Variants in TTF2 observed in about 807,000 individuals in gnomAD.
TTF2 encodes transcription termination factor 2.
TTF2 carries 108 observed loss-of-function variants against 142.4 expected under a neutral mutation model. The ratio of observed to expected loss-of-function variants is 0.76; its 90% confidence interval spans 0.65 to 0.89. TTF2 has a LOEUF of 0.89. Among genes scored for constraint, TTF2 ranks in the 40% least tolerant of loss-of-function variants. The pLI is 0.00. For missense variants in TTF2, 1,327 were observed against 1,379.8 expected (o/e 0.96, Z 0.61); for synonymous variants, 483 against 506.2 (o/e 0.95, Z 0.61).
chr1:117,073,106 G>A lies in TTF2; in HGVS notation c.219-555G>A, dbSNP rs1157260391. ...TTTTCTCCCTCGTAACTTATTTGTG[G>A]AAGGGATCAGGTTGTTTGTCCTATA... is the stretch of plus-strand genomic sequence containing the variant. On this transcript the variant is annotated intron_variant, in intron 3 of 22. Coordinates refer to ENST00000369466, the MANE Select transcript of TTF2 (RefSeq NM_003594.4). The surrounding 1 kb of genome is among the most constrained non-coding windows in gnomAD (Gnocchi z 4.4). Among the ~76,000 whole-genome samples, 1 of 152,158 alleles carries A rather than the reference G, an allele frequency of 6.6e-6. No individual in the cohort carries two copies. Among genetic ancestry groups the A allele is most frequent in the Non-Finnish European group, 1.5e-5 (1 of 68,028 alleles).
Position 117,073,525 on chromosome 1 carries a change from A to G in TTF2, c.219-136A>G. 1 of 662,482 alleles carries G rather than the reference A, an allele frequency of 1.5e-6. No homozygotes were observed. Among genetic ancestry groups the G allele is most frequent in the Non-Finnish European group, 2.5e-6 (1 of 403,092 alleles). 41.0% of individuals were successfully genotyped at this position (662,482 alleles called of 1,614,324 possible). On this transcript the variant is annotated intron_variant, in intron 3 of 22. Coordinates refer to ENST00000369466, the MANE Select transcript of TTF2 (RefSeq NM_003594.4). This position sits in a 1 kb window ranked among gnomAD's most constrained non-coding sequence, Gnocchi z 4.4. ...AAATAATTTTTAAATGTGTATATAA[A>G]AGTAATTGGTTTCAAGTGACCTCCC...
chr1:117,081,853 C>T lies in TTF2; in HGVS notation c.1809C>T (p.Thr603=), dbSNP rs769855734. 6.2e-7 allele frequency: 1 copy of T among 1,613,900 alleles called. No homozygotes were observed. The highest frequency in any genetic ancestry group is 1.1e-5 in the South Asian group (1 of 91,034). The change falls in exon 10 of 23, where the codon ACC becomes ACT. Residue 603 remains threonine, a synonymous_variant. Coordinates refer to ENST00000369466, the MANE Select transcript of TTF2 (RefSeq NM_003594.4). ...ILADDMGLGK[T]LTMIALILTQ... is the part of the protein sequence containing the mutation. ...CAGATGATATGGGCTTAGGAAAAACCCTGACAATGATTGCGCTCATCCTGA... is the reference window on the plus strand; with the variant it reads ...CAGATGATATGGGCTTAGGAAAAACTCTGACAATGATTGCGCTCATCCTGA...
At position 117,073,783 on chromosome 1, in the gene TTF2, C is replaced by T; in HGVS notation, c.285+56C>T. ...CTGTGTTAAGACTTTTAATATGCAG[C>T]ATCACCTGAAAATACCTTGAAGTTC... On this transcript the variant is annotated intron_variant, in intron 4 of 22. Coordinates refer to ENST00000369466, the MANE Select transcript of TTF2 (RefSeq NM_003594.4). This position sits in a 1 kb window ranked among gnomAD's most constrained non-coding sequence, Gnocchi z 4.4. The T allele has an allele frequency of 2.6e-6, 4 of 1,513,710 alleles. No homozygotes were observed. The highest frequency in any genetic ancestry group is 2.3e-5 in the East Asian group (1 of 43,728). The allele number at this position is 1,513,710 out of a possible 1,614,324, so 93.8% of individuals were successfully genotyped here.
Position 117,076,292 on chromosome 1 carries a change from A to G in TTF2, c.1388A>G (p.Gln463Arg). 6.2e-7 allele frequency: 1 copy of G among 1,613,188 alleles called. No homozygotes were observed. Among genetic ancestry groups the G allele is most frequent in the South Asian group, 1.1e-5 (1 of 91,020 alleles). Residue 463 changes from glutamine (Q) to arginine (R), a missense_variant and splice_region_variant, in exon 6 of 23, where the codon CAA becomes CGA. Coordinates refer to ENST00000369466, the MANE Select transcript of TTF2 (RefSeq NM_003594.4). This position sits in a 1 kb window ranked among gnomAD's most constrained non-coding sequence, Gnocchi z 4.6. ...AGTGGTCTTACCCTTTCCCCAGAGC[A>G]AGGTAAAGTGGCTTATGCCTCAGAA... ...VLSGLTLSPE[Q>R]GTNEKSNSQV...
At chr1:117,066,859 C>A (rs901442677) in intron 3 of TTF2, among the ~76,000 whole-genome samples, 2 of 152,000 alleles carry the variant, frequency 1.3e-5, no homozygotes, top group Non-Finnish European at 2.9e-5. Context: ...TGTGTCACGA[C>A]GCCCAGCTAA....
chr1:117,075,707 A>G lies in TTF2; in HGVS notation c.1123A>G (p.Thr375Ala), dbSNP rs1232192553. ...TGGGAGCCCCCTACTCTTTGACTCGACTCTGGACTTAGAGACGAAGGAAAA... is the reference window on the plus strand; with the variant it reads ...TGGGAGCCCCCTACTCTTTGACTCGGCTCTGGACTTAGAGACGAAGGAAAA... ...KPGSPLLFDS[T>A]LDLETKENLQ... The change falls in exon 5 of 23, where the codon ACT becomes GCT. Residue 375 changes from threonine to alanine, a missense_variant. Coordinates refer to ENST00000369466, the MANE Select transcript of TTF2 (RefSeq NM_003594.4). The surrounding 1 kb of genome is among the most constrained non-coding windows in gnomAD (Gnocchi z 4.5). The G allele has an allele frequency of 6.2e-7, 1 of 1,613,960 alleles. No homozygotes were observed. Among genetic ancestry groups the G allele is most frequent in the Non-Finnish European group, 8.5e-7 (1 of 1,179,974 alleles).
rs1649281872 is a variant in TTF2, at chr1:117,097,757, C to T, written c.3269+324C>T. Among the ~76,000 whole-genome samples, 1 of 152,140 alleles carries T rather than the reference C, an allele frequency of 6.6e-6. No homozygotes were observed. The highest frequency in any genetic ancestry group is 1.5e-5 in the Non-Finnish European group (1 of 68,034). On this transcript the variant is annotated intron_variant, in intron 21 of 22. Transcript: ENST00000369466. The surrounding 1 kb of genome is among the most constrained non-coding windows in gnomAD (Gnocchi z 4.1). ...AACCTTGCTCAGTTTTACCTCTTCT[C>T]CAGAATACTGTATTCCAGACACACT...
In TTF2 at chr1:117,070,525, G is replaced by A. The variant is rs751428640; in HGVS notation, c.219-3136G>A. Among the ~76,000 whole-genome samples the A allele has an allele frequency of 1.3e-4, 20 of 152,114 alleles. No homozygotes were observed. Among genetic ancestry groups the A allele is most frequent in the African/African-American group, 2.4e-4 (10 of 41,408 alleles). ...TGACTGAAACATCATCATGCAGCAC[G>A]GGACTGTACTTATGAAATATTCTTT... On this transcript the variant is annotated intron_variant, in intron 3 of 22. Transcript: ENST00000369466. The surrounding 1 kb of genome is among the most constrained non-coding windows in gnomAD (Gnocchi z 4.2).
rs532560004 is a variant in TTF2, at chr1:117,103,951, CAAAAAAAAAAAA to C, written c.*2437_*2448del. 2.3e-5 allele frequency: 2 copies of C among 88,646 alleles called. No individual in the cohort carries two copies. Among genetic ancestry groups the C allele is most frequent in the Non-Finnish European group, 2.2e-5 (1 of 44,480 alleles). 5.5% of individuals were successfully genotyped at this position (88,646 alleles called of 1,614,324 possible). The stretch of plus-strand genomic sequence containing the variant: ...CTGGTGACAGAGCGAGACTCCGTCT[CAAAAAAAAAAAA>C]AAAAAAAAAGAGAGAGAAAAAAATC... On this transcript the variant is annotated 3_prime_UTR_variant, in exon 23 of 23. Coordinates refer to ENST00000369466, the MANE Select transcript of TTF2 (RefSeq NM_003594.4).
chr1:117,073,019 G>A lies in TTF2; in HGVS notation c.219-642G>A, dbSNP rs1440488429. ...TTTGTTTAAATCAGGATCCAAATAA[G>A]GTTCACAAATTGGAATTGATTAATA... is the stretch of plus-strand genomic sequence containing the variant. On this transcript the variant is annotated intron_variant, in intron 3 of 22. Transcript: ENST00000369466. The surrounding 1 kb of genome is among the most constrained non-coding windows in gnomAD (Gnocchi z 4.4). Among the ~76,000 whole-genome samples the A allele has an allele frequency of 6.6e-6, 1 of 152,102 alleles. No individual in the cohort carries two copies. Among genetic ancestry groups the A allele is most frequent in the Non-Finnish European group, 1.5e-5 (1 of 68,028 alleles).
intron 4 of TTF2, among the ~76,000 whole-genome samples, chr1:117,074,404 T>C (rs997855605): frequency 1.3e-5 from 2 of 152,140 alleles, no homozygotes; most frequent in Non-Finnish European, 2.9e-5. Context: ...AAAAGAGTGA[T>C]CATGGACAGA....
Position 117,070,016 on chromosome 1 carries a change from T to A in TTF2, c.219-3645T>A, listed in dbSNP as rs1250059704. 6.6e-6 allele frequency among the ~76,000 whole-genome samples: 1 copy of A among 152,240 alleles called. No homozygotes were observed. Among genetic ancestry groups the A allele is most frequent in the Admixed American group, 6.5e-5 (1 of 15,278 alleles). On this transcript the variant is annotated intron_variant, in intron 3 of 22. Coordinates refer to ENST00000369466, the MANE Select transcript of TTF2 (RefSeq NM_003594.4). The surrounding 1 kb of genome is among the most constrained non-coding windows in gnomAD (Gnocchi z 4.2). ...TATTTCCACTGCATTCTTTGTTGAT[T>A]TACAATATAATAAAACGTAACAAAC...
At chr1:117,066,078 C>T (rs575966846) in intron 3 of TTF2, among the ~76,000 whole-genome samples, 1 of 140,306 alleles carries the variant, frequency 7.1e-6, no homozygotes, top group Admixed American at 7.4e-5. Flanking sequence ...CTCAAGCAAT[C>T]CTCCTACCTC....
At position 117,096,300 on chromosome 1, in the gene TTF2, G is replaced by A. The variant is rs1332235529; in HGVS notation, c.3186+1G>A. 34 of 1,613,966 alleles carry A rather than the reference G, an allele frequency of 2.1e-5. No individual in the cohort carries two copies. Among genetic ancestry groups the A allele is most frequent in the Non-Finnish European group, 2.8e-5 (33 of 1,179,954 alleles). Reference sequence around the variant, plus strand: ...ATTTAACCACTCCAGAGGCCCTCAGGTACAAGCTGGTCACATCAGAGCCGC... The same window carrying A: ...ATTTAACCACTCCAGAGGCCCTCAGATACAAGCTGGTCACATCAGAGCCGC... On this transcript the variant is annotated splice_donor_variant, in intron 20 of 22. Transcript: ENST00000369466. LOFTEE classifies it high-confidence loss of function.
chr1:117,106,057 T>G lies in TTF2; in HGVS notation c.*4533T>G, dbSNP rs1367410239. The G allele has an allele frequency of 6.6e-6, 1 of 152,206 alleles. No homozygotes were observed. The highest frequency in any genetic ancestry group is 6.5e-5 in the Admixed American group (1 of 15,282). The allele number at this position is 152,206 out of a possible 1,614,324, so 9.4% of individuals were successfully genotyped here. On this transcript the variant is annotated 3_prime_UTR_variant, in exon 23 of 23. Transcript: ENST00000369466. ...AAAGAATTAGGTTTCCAAAGTGGGA[T>G]ATTGTGCTGCTGTTTGTGATATAGC...
At chr1:117,077,154 A>G (rs1317098941) in intron 7 of TTF2, among the ~76,000 whole-genome samples, 1 of 151,904 alleles carries the variant, frequency 6.6e-6, no homozygotes, top group Non-Finnish European at 1.5e-5. Flanking sequence ...GTTCAGTACC[A>G]TCCAGTTTCA....
intron 3 of TTF2, among the ~76,000 whole-genome samples, chr1:117,067,698 C>G (rs1017550470): frequency 6.6e-6 from 1 of 152,130 alleles, no homozygotes; most frequent in African/African-American, 2.4e-5. Context: ...TGATGGCTTC[C>G]TTAGTGAACA....
chr1:117,081,829 A>G lies in TTF2; in HGVS notation c.1785A>G (p.Ala595=), dbSNP rs2101064467. 6.2e-7 allele frequency: 1 copy of G among 1,610,782 alleles called. No individual in the cohort carries two copies. The highest frequency in any genetic ancestry group is 1.1e-5 in the South Asian group (1 of 90,430). The change falls in exon 10 of 23, where the codon GCA becomes GCG. Residue 595 remains alanine (A), a splice_region_variant and synonymous_variant. Coordinates refer to ENST00000369466, the MANE Select transcript of TTF2 (RefSeq NM_003594.4). ...ESQKPQGGIL[A]DDMGLGKTLT... ...CTTAATTTTGCTTTTATTTTCTAGC[A>G]GATGATATGGGCTTAGGAAAAACCC... is the stretch of plus-strand genomic sequence containing the variant.
Position 117,079,274 on chromosome 1 carries a change from C to A in TTF2, c.1702-294C>A, listed in dbSNP as rs1557814070. Among the ~76,000 whole-genome samples, 1 of 152,114 alleles carries A rather than the reference C, an allele frequency of 6.6e-6. No individual in the cohort carries two copies. Among genetic ancestry groups the A allele is most frequent in the African/African-American group, 2.4e-5 (1 of 41,414 alleles). ...AATAAAAAAATAAAAGCTGTAGAGA[C>A]TGATTTTGACTGATTAAGCAGACAA... On this transcript the variant is annotated intron_variant, in intron 8 of 22. Coordinates refer to ENST00000369466, the MANE Select transcript of TTF2 (RefSeq NM_003594.4). The surrounding 1 kb of genome is among the most constrained non-coding windows in gnomAD (Gnocchi z 4.2).
Sources: allele counts gnomAD v4.1 joint callset (sites outside exome capture counted in the v4.1 genomes callset), GRCh38; gene constraint gnomAD v4.1.1; non-coding constraint Gnocchi (gnomAD v3.1); transcripts MANE v1.5; gene names NCBI Gene and HGNC (gene_info 2026-07-23, HGNC 2026-07-21).